The following SLC35E1 variants were observed in gnomAD, a reference collection of about 807,000 sequenced individuals.
SLC35E1 encodes the protein solute carrier family 35, member E1.
SLC35E1 carries 12 observed loss-of-function variants against 31.0 expected under a neutral mutation model. The observed-to-expected ratio is 0.39, with a 90% CI of 0.25 to 0.63. The LOEUF (loss-of-function observed/expected upper bound fraction) is 0.63. Among genes scored for constraint, SLC35E1 ranks in the 20% least tolerant of loss-of-function variants. SLC35E1 has a pLI of 0.52. For missense variants in SLC35E1, 429 were observed against 572.2 expected (o/e 0.75, Z 2.55); for synonymous variants, 257 against 264.1 (o/e 0.97, Z 0.26).
At chr19:16,560,431 A>G (rs1599318199) in intron 4 of SLC35E1, among the ~76,000 whole-genome samples, 1 of 152,154 alleles carries the variant, frequency 6.6e-6, no homozygotes, top group Non-Finnish European at 1.5e-5. Context: ...TGAGGACTAT[A>G]TGTCCTCAAA....
intron 5 of SLC35E1, among the ~76,000 whole-genome samples, chr19:16,554,366 G>A (rs1158321276): frequency 2.0e-5 from 3 of 151,784 alleles, no homozygotes; most frequent in African/African-American, 7.3e-5. Flanking sequence ...CCAGACCACA[G>A]TGCATGGACA....
At chr19:16,571,425 G>A (rs926381549) in intron 2 of SLC35E1, 87 bp downstream of exon 2, 12 of 1,421,704 alleles carry the variant, frequency 8.4e-6, no homozygotes, top group Non-Finnish European at 1.2e-5. Flanking sequence ...GCAGCCTGCA[G>A]ACCAGGATCC....
chr19:16,560,881 C>CAAAAAAAAA (rs1304202019), intron 4 of SLC35E1, among the ~76,000 whole-genome samples: 5 of 68,050 alleles, frequency 7.3e-5, no homozygotes, highest in Non-Finnish European at 1.2e-4. Flanking sequence ...AAAAAAAAAC[C>CAAAAAAAAA]AAAAAAAAAA....
At position 16,555,253 on chromosome 19, in the gene SLC35E1, T is replaced by C. The variant is rs1430039744; in HGVS notation, c.901A>G (p.Met301Val). ...YSVANATKRI[M>V]VITVSLIMLR... ...ATGATCAGGGACACCGTGATGACCA[T>C]GATTCTTTTGGTGGCATTGGCGACC... Residue 301 changes from methionine (M) to valine (V), a missense_variant, in exon 5 of 6, where the codon ATG becomes GTG. Coordinates refer to ENST00000595753, the MANE Select transcript of SLC35E1 (RefSeq NM_024881.5). The surrounding 1 kb of genome is among the most constrained non-coding windows in gnomAD (Gnocchi z 4.1). 6.2e-7 allele frequency: 1 copy of C among 1,614,156 alleles called. No homozygotes were observed. The highest frequency in any genetic ancestry group is 1.1e-5 in the South Asian group (1 of 91,078).
At position 16,568,066 on chromosome 19, in the gene SLC35E1, A is replaced by C. The variant is rs2085940660; in HGVS notation, c.596T>G (p.Leu199Arg). 6.2e-7 allele frequency: 1 copy of C among 1,613,546 alleles called. No homozygotes were observed. Among genetic ancestry groups the C allele is most frequent in the Non-Finnish European group, 8.5e-7 (1 of 1,179,834 alleles). ...WGLVSALAAT[L>R]CFSLQNIFSK... is the part of the protein sequence containing the mutation. ...GAAAATGTTCTGAAGCGAGAAGCAC[A>C]GCGTGGCGGCGAGGGCGCTGACGAG... Residue 199 changes from leucine (L) to arginine (R), a missense_variant, in exon 3 of 6, where the codon CTG (leucine) becomes CGG (arginine). Leu to Arg is a moderately radical substitution (Grantham distance 102). Transcript: ENST00000595753.
intron 4 of SLC35E1, among the ~76,000 whole-genome samples, chr19:16,556,094 G>A (rs551667429): frequency 2.0e-5 from 3 of 151,992 alleles, no homozygotes; most frequent in Admixed American, 1.3e-4. Context: ...GTGTGGTGGC[G>A]CATGCCTGTA....
intron 2 of SLC35E1, among the ~76,000 whole-genome samples, chr19:16,568,528 T>C (rs549218298): frequency 6.6e-6 from 1 of 152,324 alleles, no homozygotes; most frequent in Non-Finnish European, 1.5e-5. Context: ...CCATTCCCTC[T>C]TTTTAAAAAA....
rs545515171 is a variant in SLC35E1 at position 16,555,005 on chromosome 19, T to C, written c.1002+147A>G. ...CAGGAAAAAGGAAGCCAGAGTGGGA[T>C]GGGGCTACGCCAAGATCATAAACCA... On this transcript the variant is annotated intron_variant, in intron 5 of 5. Coordinates refer to ENST00000595753, the MANE Select transcript of SLC35E1 (RefSeq NM_024881.5). This position sits in a 1 kb window ranked among gnomAD's most constrained non-coding sequence, Gnocchi z 4.1. The C allele has an allele frequency of 1.7e-6, 2 of 1,206,450 alleles. No homozygotes were observed. The highest frequency in any genetic ancestry group is 2.6e-5 in the East Asian group (1 of 39,114). The allele number at this position is 1,206,450 out of a possible 1,614,324, so 74.7% of individuals were successfully genotyped here. A position where few individuals can be genotyped will look rare whatever the true frequency, so the allele number is the denominator to read the frequency against.
At chr19:16,553,981 C>T (rs1299892282) in intron 5 of SLC35E1, 72 bp from the exon 6 acceptor site, 1 of 1,370,200 alleles carries the variant, frequency 7.3e-7, no homozygotes, top group East Asian at 2.5e-5. Context: ...AGTCAATCAA[C>T]TGGCTGGCTG....
At chr19:16,561,213 CAAAAAAAAAAAAAAAAA>C (rs59176175) in intron 4 of SLC35E1, among the ~76,000 whole-genome samples, 4 of 24,744 alleles carry the variant, frequency 1.6e-4, no homozygotes, top group Admixed American at 7.9e-4. Flanking sequence ...GACTCCATCT[CAAAAAAAAAAAAAAAAA>C]AAAAAAAAAA....
intron 4 of SLC35E1, among the ~76,000 whole-genome samples, chr19:16,560,100 G>T (rs979362322): frequency 3.9e-5 from 6 of 152,140 alleles, no homozygotes; most frequent in Non-Finnish European, 7.4e-5. Context: ...CAGTCTGAAA[G>T]CCAAGCGGTG....
At chr19:16,560,203 T>C (rs1196123500) in intron 4 of SLC35E1, among the ~76,000 whole-genome samples, 2 of 152,226 alleles carry the variant, frequency 1.3e-5, no homozygotes, top group Non-Finnish European at 2.9e-5. Context: ...TGGGATTCCA[T>C]GGGCGACTTT....
chr19:16,566,644 G>A lies in SLC35E1; in HGVS notation c.644C>T (p.Ser215Leu), dbSNP rs1167704168. ...NIFSKKVLRD[S>L]RIHHLRLLNI... is the part of the protein sequence containing the mutation. ...GAGCAGCCGGAGATGGTGGATCCGT[G>A]AATCTCGCAAGACCTGGAAAGGGAA... The change falls in exon 4 of 6, where the codon TCA becomes TTA. Residue 215 changes from serine to leucine, a missense_variant. Ser to Leu is a moderately radical substitution (Grantham distance 145). Transcript: ENST00000595753. 2.5e-6 allele frequency: 4 copies of A among 1,612,000 alleles called. No homozygotes were observed. Among genetic ancestry groups the A allele is most frequent in the Admixed American group, 1.7e-5 (1 of 59,908 alleles).
chr19:16,550,113 A>G lies in SLC35E1; in HGVS notation c.*3566T>C, dbSNP rs1047256696. 1.3e-5 allele frequency: 2 copies of G among 152,136 alleles called. No homozygotes were observed. The highest frequency in any genetic ancestry group is 2.4e-5 in the African/African-American group (1 of 41,410). 9.4% of individuals were successfully genotyped at this position (152,136 alleles called of 1,614,324 possible). A position where few individuals can be genotyped will look rare whatever the true frequency, so the allele number is the denominator to read the frequency against. On this transcript the variant is annotated 3_prime_UTR_variant, in exon 6 of 6. Transcript: ENST00000595753. ...ATTCAGAAACTGCAAGTGCTTCCTC[A>G]CTTGAACGGATCTGGCCCCTTTGTG...
At position 16,566,565 on chromosome 19, in the gene SLC35E1, C is replaced by T; in HGVS notation, c.723G>A (p.Val241=). The T allele has an allele frequency of 8.1e-6, 13 of 1,612,764 alleles. No homozygotes were observed. Among genetic ancestry groups the T allele is most frequent in the Non-Finnish European group, 1.0e-5 (12 of 1,180,036 alleles). The change falls in exon 4 of 6, where the codon GTG becomes GTA. Residue 241 remains valine, a synonymous_variant. Transcript: ENST00000595753. The part of the protein sequence containing the change: ...VFFMIPTWVL[V]DLSAFLVSSD... ...TGCTGACCAGGAAAGCCGAGAGGTC[C>T]ACCAGAACCCAGGTGGGGATCATAA...
At chr19:16,565,151 T>G (rs199582605) in intron 4 of SLC35E1, 1 of 456,480 alleles carries the variant, frequency 2.2e-6, no homozygotes, top group South Asian at 1.5e-5. Flanking sequence ...GGCAAAAAGA[T>G]TCGACGTGGA....
At chr19:16,570,642 G>A (rs1267249954) in intron 2 of SLC35E1, among the ~76,000 whole-genome samples, 1 of 152,208 alleles carries the variant, frequency 6.6e-6, no homozygotes, top group Non-Finnish European at 1.5e-5. Context: ...TCCTTATGCA[G>A]CCCTGAGTCC....
intron 4 of SLC35E1, among the ~76,000 whole-genome samples, chr19:16,563,797 C>T (rs943919426): frequency 5.3e-5 from 8 of 152,138 alleles, no homozygotes; most frequent in African/African-American, 1.9e-4. Flanking sequence ...GAAATACTAA[C>T]CTTTTCTCAG....
chr19:16,552,165 G>A lies in SLC35E1; in HGVS notation c.*1514C>T, dbSNP rs558305842. ...TAACATAAACACAAAAACAGGTCAGGGAACCAAAACACTGTGGTCTTGTCT... is the reference window on the plus strand; with the variant it reads ...TAACATAAACACAAAAACAGGTCAGAGAACCAAAACACTGTGGTCTTGTCT... On this transcript the variant is annotated 3_prime_UTR_variant, in exon 6 of 6. Coordinates refer to ENST00000595753, the MANE Select transcript of SLC35E1 (RefSeq NM_024881.5). The A allele has an allele frequency of 6.6e-6, 1 of 152,174 alleles. No homozygotes were observed. Among genetic ancestry groups the A allele is most frequent in the East Asian group, 1.9e-4 (1 of 5,182 alleles). The allele number at this position is 152,174 out of a possible 1,614,324, so 9.4% of individuals were successfully genotyped here.
Sources: allele counts gnomAD v4.1 joint callset (sites outside exome capture counted in the v4.1 genomes callset), GRCh38; gene constraint gnomAD v4.1.1; non-coding constraint Gnocchi (gnomAD v3.1); transcripts MANE v1.5; gene names NCBI Gene and HGNC (gene_info 2026-07-23, HGNC 2026-07-21).